The following SLC34A2 variants were observed in gnomAD, a reference collection of about 807,000 sequenced individuals.
The protein encoded by SLC34A2 is solute carrier family 34 member 2.
In SLC34A2, 41 loss-of-function variants were observed where a neutral mutation model predicts 50.8. The observed-to-expected ratio is 0.81, with a 90% CI of 0.63 to 1.05. The LOEUF is 1.05. SLC34A2 is among the 50% of genes least tolerant of loss of function. The pLI is 0.00. For synonymous variants in SLC34A2, 401 were observed against 364.2 expected, an observed-to-expected ratio of 1.10 and a Z score of -1.15; for missense variants, 879 against 876.7, an observed-to-expected ratio of 1.00 and a Z score of -0.03.
chr4:25,675,420 T>C lies in SLC34A2; in HGVS notation c.1459-715T>C, dbSNP rs76971079. The stretch of plus-strand genomic sequence containing the variant: ...AGCGTCAATTCCCTCATCTGAAAGA[T>C]GGAGGACATAACCCCTATCTCATTA... On this transcript the variant is annotated intron_variant, in intron 12 of 12. Transcript: ENST00000382051. Among the ~76,000 whole-genome samples the C allele has an allele frequency of 9.2e-3, 1,399 of 152,350 alleles. 13 individuals are homozygous for C. Among genetic ancestry groups the C allele is most frequent in the African/African-American group, 0.031 (1,294 of 41,584 alleles).
At chr4:25,658,911 A>T (rs10014972) in intron 1 of SLC34A2, among the ~76,000 whole-genome samples, 1 of 69,856 alleles carries the variant, frequency 1.4e-5, no homozygotes, top group African/African-American at 4.4e-5. Flanking sequence ...ACCCCCACCC[A>T]CCCACCCCAC....
chr4:25,667,611 C>A (rs1415397607), intron 5 of SLC34A2, among the ~76,000 whole-genome samples: 2 of 152,354 alleles, frequency 1.3e-5, no homozygotes, highest in Non-Finnish European at 2.9e-5. Context: ...GCAAGCCCTG[C>A]ACTCATCCAC....
At position 25,673,115 on chromosome 4, in the gene SLC34A2, C is replaced by T. The variant is rs752707048; in HGVS notation, c.1077C>T (p.Leu359=). The T allele has an allele frequency of 3.1e-6, 5 of 1,614,048 alleles. No individual in the cohort carries two copies. Among genetic ancestry groups the T allele is most frequent in the Non-Finnish European group, 4.2e-6 (5 of 1,180,048 alleles). ...KCQHIFVNFH[L]PDLAVGTILL... is the part of the protein sequence containing the mutation. ...AGCATATCTTTGTGAATTTCCACCT[C>T]CCGGATCTTGCTGTGGGCACCATCT... The change falls in exon 10 of 13, where the codon CTC becomes CTT. Residue 359 remains leucine (L), a synonymous_variant. Coordinates refer to ENST00000382051, the MANE Select transcript of SLC34A2 (RefSeq NM_006424.3).
At position 25,660,911 on chromosome 4, in the gene SLC34A2, A is replaced by G. The variant is rs968505768; in HGVS notation, c.-3-1587A>G. Among the ~76,000 whole-genome samples the G allele has an allele frequency of 3.3e-5, 5 of 152,174 alleles. No individual in the cohort carries two copies. In the South Asian group the frequency reaches 6.2e-4, roughly 19 times the overall value. On this transcript the variant is annotated intron_variant, in intron 1 of 12. Coordinates refer to ENST00000382051, the MANE Select transcript of SLC34A2 (RefSeq NM_006424.3). ...CTTTTCTGTGAATTGCCTTTCTCCA[A>G]TCTTTTGGACTGCTTTGTCTAATGG...
At chr4:25,669,512 T>G in intron 6 of SLC34A2, 135 bp from the exon 7 acceptor site, 6 of 828,000 alleles carry the variant, frequency 7.2e-6, no homozygotes, top group African/African-American at 1.7e-5. Context: ...AGAACAAAAA[T>G]GAGATTGTGT....
rs887855652 is a variant in SLC34A2 at position 25,664,453 on chromosome 4, G to A, written c.379+123G>A. The A allele has an allele frequency of 3.9e-5, 39 of 1,005,774 alleles. No individual in the cohort carries two copies. The Admixed American group carries it at 6.4e-4, about 17-fold the overall frequency. The allele number at this position is 1,005,774 out of a possible 1,614,324, so 62.3% of individuals were successfully genotyped here. A position where few individuals can be genotyped will look rare whatever the true frequency, so the allele number is the denominator to read the frequency against. On this transcript the variant is annotated intron_variant, in intron 4 of 12. Coordinates refer to ENST00000382051, the MANE Select transcript of SLC34A2 (RefSeq NM_006424.3). ...CCTGGAGTGTTTTAGGACTGGAACC[G>A]ACCTCAGATCATTTATGAAGTCTAT...
At chr4:25,658,713 G>A (rs567620304) in intron 1 of SLC34A2, among the ~76,000 whole-genome samples, 1 of 152,324 alleles carries the variant, frequency 6.6e-6, no homozygotes, top group South Asian at 2.1e-4. Context: ...TTAGTAAAAA[G>A]CTTCCAAATG....
At chr4:25,657,586 T>A (rs1173247588) in intron 1 of SLC34A2, among the ~76,000 whole-genome samples, 1 of 152,202 alleles carries the variant, frequency 6.6e-6, no homozygotes, top group Non-Finnish European at 1.5e-5. Flanking sequence ...ATATCATAAA[T>A]ACAAATTGAT....
At chr4:25,657,301 G>A in intron 1 of SLC34A2, among the ~76,000 whole-genome samples, 1 of 152,022 alleles carries the variant, frequency 6.6e-6, no homozygotes, top group East Asian at 1.9e-4. Context: ...AATAAACTGG[G>A]CTTTAGTAAC....
intron 6 of SLC34A2, among the ~76,000 whole-genome samples, chr4:25,668,957 CAG>C (rs5856916): frequency 0.12 from 17,057 of 147,132 alleles, 1,811 homozygotes; most frequent in East Asian, 0.58. Flanking sequence ...AAATCCAGAA[CAG>C]AGTTTTTTAA....
intron 1 of SLC34A2, among the ~76,000 whole-genome samples, chr4:25,662,152 G>C (rs897696406): frequency 6.6e-6 from 1 of 152,214 alleles, no homozygotes; most frequent in African/African-American, 2.4e-5. Flanking sequence ...GATTACAGGC[G>C]TGAGCCACGG....
chr4:25,674,630 G>A lies in SLC34A2; in HGVS notation c.1458+1G>A. Reference sequence around the variant, plus strand: ...CAATGCATTGAGGAGTTCACTCCAGGTCAGGACTTGGGGCACGGGGACAGG... The same window carrying A: ...CAATGCATTGAGGAGTTCACTCCAGATCAGGACTTGGGGCACGGGGACAGG... On this transcript the variant is annotated splice_donor_variant, in intron 12 of 12. Coordinates refer to ENST00000382051, the MANE Select transcript of SLC34A2 (RefSeq NM_006424.3). LOFTEE classifies it high-confidence loss of function. The A allele has an allele frequency of 6.2e-7, 1 of 1,614,214 alleles. No individual in the cohort carries two copies. The highest frequency in any genetic ancestry group is 8.5e-7 in the Non-Finnish European group (1 of 1,180,026).
At chr4:25,664,764 T>G in intron 4 of SLC34A2, 1 of 286,640 alleles carries the variant, frequency 3.5e-6, no homozygotes, top group Non-Finnish European at 6.7e-6. Context: ...TCTGCATCCA[T>G]TGTACTTACC....
chr4:25,671,493 G>C, intron 8 of SLC34A2, 108 bp from the exon 9 acceptor site: 1 of 1,335,878 alleles, frequency 7.5e-7, no homozygotes, highest in Non-Finnish European at 1.1e-6. Context: ...GGGCCATACT[G>C]CATGCACCAT....
At chr4:25,660,620 ACTGCAACCTCCAC>A (rs1714127560) in intron 1 of SLC34A2, among the ~76,000 whole-genome samples, 1 of 152,150 alleles carries the variant, frequency 6.6e-6, no homozygotes. Flanking sequence ...ATCTCAGCTC[ACTGCAACCTCCAC>A]CTCCCAGATT....
In SLC34A2 at chr4:25,674,402, C is replaced by A; in HGVS notation, c.1323C>A (p.Thr441=). ...GCTCTGTGTTCACGTCGGCCTTGACCCCCCTGATTGGTGAGTTACACCCTG... is the reference window on the plus strand; with the variant it reads ...GCTCTGTGTTCACGTCGGCCTTGACACCCCTGATTGGTGAGTTACACCCTG... ...QSSSVFTSAL[T]PLIGIGVITI... The change falls in exon 11 of 13, where the codon ACC becomes ACA. Residue 441 remains threonine (T), a synonymous_variant. Transcript: ENST00000382051. 1.2e-6 allele frequency: 2 copies of A among 1,614,148 alleles called. No homozygotes were observed.
Position 25,676,817 on chromosome 4 carries a change from T to A in SLC34A2, c.*68T>A, listed in dbSNP as rs1477736504. On this transcript the variant is annotated 3_prime_UTR_variant, in exon 13 of 13. Transcript: ENST00000382051. The stretch of plus-strand genomic sequence containing the variant: ...TTTTGCATGCTCTCCTCCCTCCCAC[T>A]TCTGCACCCTTTCACCACCTCGAGG... The A allele has an allele frequency of 1.9e-6, 3 of 1,605,244 alleles. No homozygotes were observed. In the East Asian group the frequency reaches 6.7e-5, roughly 36 times the overall value.
chr4:25,657,519 C>T (rs1320785127), intron 1 of SLC34A2, among the ~76,000 whole-genome samples: 1 of 152,070 alleles, frequency 6.6e-6, no homozygotes, highest in Admixed American at 6.5e-5. Flanking sequence ...CCTCCCCCCC[C>T]AATACAATGC....
intron 3 of SLC34A2, among the ~76,000 whole-genome samples, chr4:25,663,357 T>C (rs1305801759): frequency 1.3e-5 from 2 of 152,166 alleles, no homozygotes; most frequent in Non-Finnish European, 2.9e-5. Flanking sequence ...ATGGACATTG[T>C]CTGGCTCCTT....
Sources: gnomAD v4.1 joint callset for allele counts (sites outside exome capture counted in the v4.1 genomes callset) on GRCh38, gnomAD v4.1.1 for gene constraint, MANE v1.5 for transcripts, NCBI Gene and HGNC (gene_info 2026-07-23, HGNC 2026-07-21) for gene names.